PARP15: variants seen among roughly 807,000 people sequenced by gnomAD.
PARP15 encodes poly(ADP-ribose) polymerase family member 15.
Under a neutral mutation model 62.1 loss-of-function variants are expected in PARP15, and 50 were observed. The ratio of observed to expected loss-of-function variants is 0.81; its 90% CI spans 0.64 to 1.02. PARP15 has a LOEUF of 1.02. PARP15 is among the 50% of genes least tolerant of loss of function. The pLI, the probability that PARP15 is intolerant of heterozygous loss-of-function variation, is 0.00. For missense variants in PARP15, 820 were observed against 826.5 expected (o/e 0.99, Z 0.10); for synonymous variants, 309 against 293.1 (o/e 1.05, Z -0.55).
intron 9 of PARP15, among the ~76,000 whole-genome samples, chr3:122,628,004 G>A (rs1031267287): frequency 1.3e-5 from 2 of 152,188 alleles, no homozygotes; most frequent in Admixed American, 1.3e-4. Context: ...GTACAGTTTG[G>A]TCCAGGTGCT....
chr3:122,585,374 G>T lies in PARP15; in HGVS notation c.186+7521G>T, dbSNP rs115799889. 4.5e-3 allele frequency among the ~76,000 whole-genome samples: 685 copies of T among 152,318 alleles called. 5 individuals are homozygous for T. Among genetic ancestry groups the T allele is most frequent in the African/African-American group, 0.016 (661 of 41,578 alleles). On this transcript the variant is annotated intron_variant, in intron 1 of 11. Coordinates refer to ENST00000464300, the MANE Select transcript of PARP15 (RefSeq NM_001113523.3). The stretch of plus-strand genomic sequence containing the variant: ...TCTGTCTCTCCAATCTGGAGGCTGG[G>T]TCAGATTTTATAGCCATAGAATAAT...
At chr3:122,582,039 C>T (rs1297109469) in intron 1 of PARP15, among the ~76,000 whole-genome samples, 1 of 152,174 alleles carries the variant, frequency 6.6e-6, no homozygotes, top group Non-Finnish European at 1.5e-5. Context: ...CACATTTTAC[C>T]ATTTTCATCT....
intron 1 of PARP15, among the ~76,000 whole-genome samples, chr3:122,588,590 T>G (rs1933635326): frequency 6.6e-6 from 1 of 152,058 alleles, no homozygotes; most frequent in East Asian, 1.9e-4. Flanking sequence ...CCAGGGAGAT[T>G]GAGGCTGCAG....
Position 122,636,009 on chromosome 3 carries a change from C to T in PARP15, c.1946C>T (p.Ser649Leu), listed in dbSNP as rs1336523977. ...CACAATCCCACAGATCTCTTTGACTCAGTGACAAACAATACACGATCTCCA... is the reference window on the plus strand; with the variant it reads ...CACAATCCCACAGATCTCTTTGACTTAGTGACAAACAATACACGATCTCCA... ...NPHNPTDLFDSVTNNTRSPKL... is the reference protein window; with the variant it reads ...NPHNPTDLFDLVTNNTRSPKL... Residue 649 changes from serine (S) to leucine (L), a missense_variant, in exon 12 of 12, where the codon TCA becomes TTA. By Grantham distance (145) the Ser-to-Leu change is moderately radical. Coordinates refer to ENST00000464300, the MANE Select transcript of PARP15 (RefSeq NM_001113523.3). The T allele has an allele frequency of 1.2e-6, 2 of 1,613,954 alleles. No homozygotes were observed. The highest frequency in any genetic ancestry group is 1.7e-6 in the Non-Finnish European group (2 of 1,179,986).
chr3:122,603,619 G>T (rs1318602353), intron 1 of PARP15, among the ~76,000 whole-genome samples: 1 of 152,142 alleles, frequency 6.6e-6, no homozygotes, highest in Non-Finnish European at 1.5e-5. Flanking sequence ...AAACAAAAAG[G>T]AAAACCAAAA....
chr3:122,615,367 AG>A (rs1448510582), intron 4 of PARP15: 1 of 1,295,228 alleles, frequency 7.7e-7, no homozygotes, highest in Admixed American at 2.3e-5. Flanking sequence ...TAACAGCCAA[AG>A]ATGCCAAGGA....
At position 122,577,777 on chromosome 3, in the gene PARP15, G is replaced by T. The variant is rs1010864302; in HGVS notation, c.110G>T (p.Arg37Leu). ...GTTACTTCCAGAGCCGGACGAGATCGGGAGGCGGGGAGCGTGCTGCCGGCC... is the reference window on the plus strand; with the variant it reads ...GTTACTTCCAGAGCCGGACGAGATCTGGAGGCGGGGAGCGTGCTGCCGGCC... ...AGVTSRAGRD[R>L]EAGSVLPAGN... The change falls in exon 1 of 12, where the codon CGG (arginine) becomes CTG (leucine). Residue 37 changes from arginine (R) to leucine (L), a missense_variant. By Grantham distance (102) the Arg-to-Leu change is moderately radical. Coordinates refer to ENST00000464300, the MANE Select transcript of PARP15 (RefSeq NM_001113523.3). 24 of 1,551,444 alleles carry T rather than the reference G, an allele frequency of 1.5e-5. No individual in the cohort carries two copies. The highest frequency in any genetic ancestry group is 2.0e-5 in the Non-Finnish European group (23 of 1,146,920).
At chr3:122,618,362 C>A (rs73192176) in intron 6 of PARP15, among the ~76,000 whole-genome samples, 33 of 152,000 alleles carry the variant, frequency 2.2e-4, no homozygotes, top group Admixed American at 4.6e-4. Context: ...GAAAAAAGAA[C>A]GTTGGAAGGA....
Position 122,632,018 on chromosome 3 carries a change from G to C in PARP15, c.1439-68G>C, listed in dbSNP as rs1319959848. 5 of 1,576,204 alleles carry C rather than the reference G, an allele frequency of 3.2e-6. No individual in the cohort carries two copies. In the African/African-American group the frequency reaches 6.7e-5, roughly 21 times the overall value. On this transcript the variant is annotated intron_variant, in intron 9 of 11. Transcript: ENST00000464300. ...TGGATGACGAGAGACAAGTGCAGAG[G>C]AGGTGCCCTGATTTTCAGAGGTCTT... is the stretch of plus-strand genomic sequence containing the variant.
At position 122,636,622 on chromosome 3, in the gene PARP15, T is replaced by G. The variant is rs777338283; in HGVS notation, c.*522T>G. 6.5e-6 allele frequency: 1 copy of G among 154,008 alleles called. No homozygotes were observed. Among genetic ancestry groups the G allele is most frequent in the Non-Finnish European group, 1.4e-5 (1 of 69,198 alleles). The allele number at this position is 154,008 out of a possible 1,614,324, so 9.5% of individuals were successfully genotyped here. A position where few individuals can be genotyped will look rare whatever the true frequency, so the allele number is the denominator to read the frequency against. ...GTTATGGAACAAATCATAACAGATT[T>G]TACCTGTTTACATTTCAGGTAAAAA... On this transcript the variant is annotated 3_prime_UTR_variant, in exon 12 of 12. Transcript: ENST00000464300.
intron 3 of PARP15, among the ~76,000 whole-genome samples, chr3:122,612,729 A>G (rs1214124580): frequency 6.6e-6 from 1 of 151,198 alleles, no homozygotes; most frequent in Non-Finnish European, 1.5e-5. Flanking sequence ...CGCCCTGCCA[A>G]TACATTTTTT....
intron 3 of PARP15, among the ~76,000 whole-genome samples, chr3:122,611,881 A>G (rs1576517652): frequency 6.6e-6 from 1 of 151,078 alleles, no homozygotes; most frequent in East Asian, 2.0e-4. Flanking sequence ...CACCTGGCTA[A>G]TTTTGTATTT....
At chr3:122,606,198 C>T in intron 2 of PARP15, 143 bp downstream of exon 2, 1 of 1,071,668 alleles carries the variant, frequency 9.3e-7, no homozygotes. Context: ...GTTAAACCCA[C>T]TTAAAGTTTA....
chr3:122,607,771 A>G (rs562446790), intron 2 of PARP15, among the ~76,000 whole-genome samples: 2 of 152,250 alleles, frequency 1.3e-5, no homozygotes, highest in Non-Finnish European at 2.9e-5. Flanking sequence ...AATCCTCTTT[A>G]TCTTTCTTCT....
chr3:122,610,593 GAGTT>G lies in PARP15; in HGVS notation c.409_412del (p.Leu137MetfsTer11). 1 of 1,551,758 alleles carries G rather than the reference GAGTT, an allele frequency of 6.4e-7. No homozygotes were observed. The highest frequency in any genetic ancestry group is 8.7e-7 in the Non-Finnish European group (1 of 1,147,018). ...GAAAGCTGGTCCCATGCTCCAGAAA[GAGTT>G]AGATGACAGAAGGCGGGAAACAGAG... On this transcript the variant is annotated frameshift_variant, in exon 3 of 12. Coordinates refer to ENST00000464300, the MANE Select transcript of PARP15 (RefSeq NM_001113523.3). LOFTEE classifies it high-confidence loss of function.
chr3:122,620,958 T>C (rs751961142), intron 7 of PARP15, among the ~76,000 whole-genome samples: 5 of 152,190 alleles, frequency 3.3e-5, no homozygotes, highest in Non-Finnish European at 5.9e-5. Flanking sequence ...TTTCATCCTT[T>C]CACACCTCTG....
intron 10 of PARP15, among the ~76,000 whole-genome samples, chr3:122,634,713 A>G (rs1560004563): frequency 6.6e-6 from 1 of 152,208 alleles, no homozygotes; most frequent in Non-Finnish European, 1.5e-5. Flanking sequence ...ATCTCCAGGA[A>G]TTCCAGGGAA....
chr3:122,613,813 G>C (rs1015509463), intron 4 of PARP15, among the ~76,000 whole-genome samples: 54 of 136,918 alleles, frequency 3.9e-4, no homozygotes, highest in African/African-American at 1.3e-3. Flanking sequence ...CTGAATCTCA[G>C]CTTTTTTTTT....
intron 2 of PARP15, among the ~76,000 whole-genome samples, chr3:122,609,906 A>G (rs2173764): frequency 0.16 from 23,627 of 152,150 alleles, 5,407 homozygotes; most frequent in African/African-American, 0.5. Flanking sequence ...TGGAGAACTC[A>G]ACATCCCTGG....
Sources: allele counts gnomAD v4.1 joint callset (sites outside exome capture counted in the v4.1 genomes callset), GRCh38; gene constraint gnomAD v4.1.1; transcripts MANE v1.5; gene names NCBI Gene and HGNC (gene_info 2026-07-23, HGNC 2026-07-21).